DACH2: variants seen among roughly 807,000 people sequenced by gnomAD.
The protein encoded by DACH2 is dachshund family transcription factor 2, also known as dachshund homolog 2.
A neutral mutation model predicts 35.8 loss-of-function variants in DACH2; 17 were observed. That is an observed-to-expected ratio of 0.48 (90% confidence interval 0.33 to 0.71). The LOEUF (loss-of-function observed/expected upper bound fraction) is 0.71, where lower values mean the gene tolerates loss of function less well. DACH2 is among the 30% of genes least tolerant of loss of function. The pLI is 0.02. For missense variants in DACH2, 469 were observed against 472.7 expected (o/e 0.99, Z 0.07); for synonymous variants, 195 against 177.3 (o/e 1.10, Z -0.79).
At chrX:86,789,944 A>G (rs185246493) in intron 7 of DACH2, among the ~76,000 whole-genome samples, 6 of 112,089 alleles carry the variant, frequency 5.4e-5, no homozygotes, top group African/African-American at 1.9e-4. Context: ...AAGGAAAATT[A>G]CAATGAATAA....
intron 2 of DACH2, among the ~76,000 whole-genome samples, chrX:86,488,888 A>G (rs889488920): frequency 9.0e-6 from 1 of 111,646 alleles, no homozygotes; most frequent in East Asian, 2.8e-4. Flanking sequence ...TGCTTGGTAC[A>G]TAGTAAGTAT....
intron 2 of DACH2, among the ~76,000 whole-genome samples, chrX:86,440,402 C>T: frequency 9.0e-6 from 1 of 111,378 alleles, no homozygotes; most frequent in Non-Finnish European, 1.9e-5. Context: ...ACACTGAAGT[C>T]TCCCTGGAAT....
intron 2 of DACH2, among the ~76,000 whole-genome samples, chrX:86,507,021 T>C (rs1376300809): frequency 1.8e-5 from 2 of 111,778 alleles, no homozygotes; most frequent in Non-Finnish European, 3.8e-5. Flanking sequence ...GATTAGTTGC[T>C]AATATTTATC....
At chrX:86,250,863 G>A (rs1041790502) in intron 1 of DACH2, among the ~76,000 whole-genome samples, 3 of 111,360 alleles carry the variant, frequency 2.7e-5, no homozygotes, top group South Asian at 3.7e-4. Flanking sequence ...GGTAAGTGGA[G>A]CATTAACAAC....
chrX:86,178,076 G>A (rs1309308042), intron 1 of DACH2, among the ~76,000 whole-genome samples: 1 of 111,926 alleles, frequency 8.9e-6, no homozygotes, highest in East Asian at 2.8e-4. Context: ...TATCAAGGAA[G>A]AATCATTGGC....
intron 2 of DACH2, among the ~76,000 whole-genome samples, chrX:86,453,487 T>C (rs2037419136): frequency 8.9e-6 from 1 of 111,869 alleles, no homozygotes. Context: ...TTTATGAATC[T>C]GGGTACTCAT....
At chrX:86,557,198 T>C (rs1291756269) in intron 3 of DACH2, among the ~76,000 whole-genome samples, 1 of 111,084 alleles carries the variant, frequency 9.0e-6, no homozygotes, top group Non-Finnish European at 1.9e-5. Context: ...GTGGATCTCC[T>C]TTACTAAGCT....
At chrX:86,441,953 C>A (rs1011004907) in intron 2 of DACH2, among the ~76,000 whole-genome samples, 8 of 108,392 alleles carry the variant, frequency 7.4e-5, no homozygotes, top group Non-Finnish European at 1.3e-4. Flanking sequence ...TATGATCAAA[C>A]TCCTGGGCTC....
intron 1 of DACH2, among the ~76,000 whole-genome samples, chrX:86,331,516 T>A (rs2035213126): frequency 9.0e-6 from 1 of 111,039 alleles, no homozygotes; most frequent in Non-Finnish European, 1.9e-5. Flanking sequence ...CTGTCTGAAG[T>A]CTAATTGTCA....
intron 1 of DACH2, among the ~76,000 whole-genome samples, chrX:86,309,216 C>A (rs755646943): frequency 8.9e-6 from 1 of 112,512 alleles, no homozygotes; most frequent in East Asian, 2.8e-4. Flanking sequence ...GTACAGAAGA[C>A]AGATGGATCT....
intron 3 of DACH2, among the ~76,000 whole-genome samples, chrX:86,544,524 T>G (rs1229664084): frequency 1.8e-5 from 2 of 111,397 alleles, no homozygotes; most frequent in African/African-American, 6.5e-5. Flanking sequence ...CAACTAAGAA[T>G]TTTATTTCTG....
intron 4 of DACH2, among the ~76,000 whole-genome samples, chrX:86,655,724 G>A (rs907416427): frequency 3.6e-5 from 4 of 111,276 alleles, no homozygotes; most frequent in Non-Finnish European, 7.6e-5. Flanking sequence ...ATTTAGGTAG[G>A]AGAGGAGATA....
intron 1 of DACH2, among the ~76,000 whole-genome samples, chrX:86,293,250 C>G (rs1036062030): frequency 5.9e-5 from 3 of 51,169 alleles, no homozygotes; most frequent in African/African-American, 3.6e-4. Context: ...GATTGCAACC[C>G]TGCCTTTTTT....
intron 11 of DACH2, among the ~76,000 whole-genome samples, chrX:86,826,238 T>C (rs868066008): frequency 4.5e-4 from 50 of 111,203 alleles, no homozygotes; most frequent in African/African-American, 1.6e-3. Context: ...AACTAGAGAT[T>C]CAATAAAGGG....
chrX:86,188,628 C>T (rs753231758), intron 1 of DACH2, among the ~76,000 whole-genome samples: 29 of 111,579 alleles, frequency 2.6e-4, no homozygotes, highest in Admixed American at 9.6e-5. Flanking sequence ...CAAAAGGGGC[C>T]TTTTAAGACC....
intron 1 of DACH2, among the ~76,000 whole-genome samples, chrX:86,308,369 C>A (rs1200174747): frequency 8.9e-6 from 1 of 112,457 alleles, no homozygotes; most frequent in Non-Finnish European, 1.9e-5. Context: ...GTGGGCATAG[C>A]TACCATCATG....
chrX:86,284,792 G>A (rs2034112283), intron 1 of DACH2, among the ~76,000 whole-genome samples: 1 of 110,637 alleles, frequency 9.0e-6, no homozygotes, highest in South Asian at 3.9e-4. Flanking sequence ...TTGTTACTTT[G>A]ATCTCATTTC....
rs1305879532 is a variant in DACH2, at chrX:86,403,509, G to A, written c.527+26647G>A. Among the ~76,000 whole-genome samples, 3 of 111,653 alleles carry A rather than the reference G, an allele frequency of 2.7e-5. No homozygotes were observed. In the Admixed American group the frequency reaches 2.8e-4, roughly 11 times the overall value. ...ATCAGTCAGAATGGCTATTACTAAA[G>A]TGTCAAAAACAAAAGAAAACAAAAC... On this transcript the variant is annotated intron_variant, in intron 2 of 11. Transcript: ENST00000373125.
intron 3 of DACH2, among the ~76,000 whole-genome samples, chrX:86,559,842 G>C (rs1182877360): frequency 5.3e-5 from 3 of 56,466 alleles, no homozygotes; most frequent in Non-Finnish European, 9.0e-5. Flanking sequence ...GTCTCTGCAC[G>C]TGAGATGGGT....
Sources: allele counts gnomAD v4.1 joint callset (sites outside exome capture counted in the v4.1 genomes callset), GRCh38; gene constraint gnomAD v4.1.1; transcripts MANE v1.5; gene names NCBI Gene and HGNC (gene_info 2026-07-23, HGNC 2026-07-21).